NYAP2: variants seen among roughly 807,000 people sequenced by gnomAD.
The protein encoded by NYAP2 is neuronal tyrosine-phosphorylated phosphoinositide-3-kinase adapter 2.
In NYAP2, 23 loss-of-function variants were observed where a neutral mutation model predicts 50.4. The observed-to-expected ratio is 0.46, with a 90% confidence interval of 0.33 to 0.65. NYAP2 has a LOEUF of 0.65. Among genes scored for constraint, NYAP2 ranks in the 30% least tolerant of loss-of-function variants. The pLI is 0.02. For synonymous variants in NYAP2, 394 were observed against 365.2 expected (o/e 1.08, Z -0.90); for missense variants, 885 against 861.0 (o/e 1.03, Z -0.35).
At chr2:225,568,411 A>G (rs774672529) in intron 4 of NYAP2, among the ~76,000 whole-genome samples, 7 of 152,110 alleles carry the variant, frequency 4.6e-5, no homozygotes, top group Non-Finnish European at 7.4e-5. Flanking sequence ...TGCCATTATT[A>G]CCACTCTTTA....
chr2:225,457,127 T>A (rs1689751869), intron 3 of NYAP2, among the ~76,000 whole-genome samples: 1 of 152,258 alleles, frequency 6.6e-6, no homozygotes, highest in African/African-American at 2.4e-5. Flanking sequence ...CCATATCATG[T>A]GCCAGGCACT....
chr2:225,404,018 C>T (rs1159068699), intron 2 of NYAP2, among the ~76,000 whole-genome samples: 1 of 151,910 alleles, frequency 6.6e-6, no homozygotes, highest in Non-Finnish European at 1.5e-5. Flanking sequence ...TCTTTGTACA[C>T]CCTTGATTCA....
At position 225,631,714 on chromosome 2, in the gene NYAP2, C is replaced by A. The variant is rs530360220; in HGVS notation, c.1828+4588C>A. Among the ~76,000 whole-genome samples, 18 of 152,246 alleles carry A rather than the reference C, an allele frequency of 1.2e-4. No homozygotes were observed. The South Asian group carries it at 3.3e-3, about 28-fold the overall frequency. On this transcript the variant is annotated intron_variant, in intron 6 of 6. Transcript: ENST00000636099. ...TTTTATTTTTCTGAAGAGAAAGAAC[C>A]TAAATGGTGCCAGTTCTGAACTAGA...
At chr2:225,684,691 C>CA in the NYAP2 span, among the ~76,000 whole-genome samples, 1 of 151,982 alleles carries the variant, frequency 6.6e-6, no homozygotes, top group African/African-American at 2.4e-5. Context: ...AGCTGGATTA[C>CA]AGGCACCTGC....
At chr2:225,512,416 T>G (rs1690835574) in intron 3 of NYAP2, among the ~76,000 whole-genome samples, 1 of 152,206 alleles carries the variant, frequency 6.6e-6, no homozygotes, top group South Asian at 2.1e-4. Flanking sequence ...TCTGGAGGAT[T>G]GAGAGTGGTT....
chr2:225,581,391 C>G (rs972940649), intron 4 of NYAP2, among the ~76,000 whole-genome samples: 6 of 152,186 alleles, frequency 3.9e-5, no homozygotes, highest in African/African-American at 1.4e-4. Context: ...AAATATCAGA[C>G]CCATCTGTAT....
At chr2:225,472,338 A>C (rs1476020556) in intron 3 of NYAP2, among the ~76,000 whole-genome samples, 6 of 152,234 alleles carry the variant, frequency 3.9e-5, no homozygotes, top group Non-Finnish European at 7.3e-5. Flanking sequence ...GCAAGTAAGA[A>C]GCAGGAATTT....
At chr2:225,427,086 A>G (rs1206527036) in intron 3 of NYAP2, among the ~76,000 whole-genome samples, 1 of 152,216 alleles carries the variant, frequency 6.6e-6, no homozygotes, top group African/African-American at 2.4e-5. Context: ...ATCTTTGTGT[A>G]AGAAAAATGG....
At chr2:225,442,169 G>A (rs998782815) in intron 3 of NYAP2, among the ~76,000 whole-genome samples, 3 of 152,224 alleles carry the variant, frequency 2.0e-5, no homozygotes, top group Non-Finnish European at 4.4e-5. Flanking sequence ...CAAATAATCC[G>A]TATTTGTTCC....
intron 5 of NYAP2, among the ~76,000 whole-genome samples, chr2:225,598,838 A>T (rs775151890): frequency 9.2e-5 from 14 of 152,206 alleles, no homozygotes; most frequent in Non-Finnish European, 1.8e-4. Flanking sequence ...TTTGTTTTGC[A>T]TATCAATTTT....
intron 4 of NYAP2, among the ~76,000 whole-genome samples, chr2:225,515,138 T>C (rs1446623387): frequency 1.3e-5 from 2 of 152,202 alleles, no homozygotes; most frequent in Admixed American, 1.3e-4. Flanking sequence ...ATAGAGTCAG[T>C]CCATAAATTC....
At chr2:225,597,498 G>A (rs538544118) in intron 5 of NYAP2, among the ~76,000 whole-genome samples, 3 of 31,594 alleles carry the variant, frequency 9.5e-5, no homozygotes, top group African/African-American at 2.7e-4. Flanking sequence ...TGGCTAAATA[G>A]TATTCCAAGG....
intron 4 of NYAP2, among the ~76,000 whole-genome samples, chr2:225,550,686 T>C (rs1177308321): frequency 6.6e-6 from 1 of 152,112 alleles, no homozygotes; most frequent in Admixed American, 6.6e-5. Context: ...AGAATGGTGA[T>C]AAGAAAGATC....
chr2:225,596,234 G>A (rs1692594328), intron 5 of NYAP2, among the ~76,000 whole-genome samples: 1 of 152,130 alleles, frequency 6.6e-6, no homozygotes, highest in African/African-American at 2.4e-5. Context: ...ATCCTCATTA[G>A]TAATCATTTT....
chr2:225,512,819 T>TTC (rs145877640), intron 3 of NYAP2, among the ~76,000 whole-genome samples: 16,850 of 69,898 alleles, frequency 0.24, 1,961 homozygotes, highest in Admixed American at 0.33. Context: ...TTTTCTTTCT[T>TTC]TCTCTCTCTC....
chr2:225,519,824 T>C (rs540144624), intron 4 of NYAP2, among the ~76,000 whole-genome samples: 102 of 152,170 alleles, frequency 6.7e-4, no homozygotes, highest in African/African-American at 2.2e-3. Context: ...ATTTCTAGTT[T>C]TAGATCCCTG....
At chr2:225,602,718 G>C (rs115839602) in intron 5 of NYAP2, among the ~76,000 whole-genome samples, 2,697 of 152,182 alleles carry the variant, frequency 0.018, 87 homozygotes, top group African/African-American at 0.061. Flanking sequence ...TTGTTGAAAA[G>C]ATCATCCCAG....
At chr2:225,658,912 A>C (rs1693868755), downstream of NYAP2, among the ~76,000 whole-genome samples, 1 of 152,200 alleles carries the variant, frequency 6.6e-6, no homozygotes, top group Non-Finnish European at 1.5e-5. Flanking sequence ...GTGCTTATTA[A>C]CTTTTACATA....
At chr2:225,631,201 G>A (rs781735467) in intron 6 of NYAP2, among the ~76,000 whole-genome samples, 8 of 152,140 alleles carry the variant, frequency 5.3e-5, no homozygotes, top group African/African-American at 7.2e-5. Flanking sequence ...AACATGTACC[G>A]TACAGTGTCT....
Sources: allele counts gnomAD v4.1 joint callset (sites outside exome capture counted in the v4.1 genomes callset), GRCh38; gene constraint gnomAD v4.1.1; transcripts MANE v1.5; gene names NCBI Gene and HGNC (gene_info 2026-07-23, HGNC 2026-07-21).